Variants in MTUS2 observed in about 807,000 individuals in gnomAD.
The protein encoded by MTUS2 is microtubule-associated tumor suppressor candidate 2.
Under a neutral mutation model 114.1 loss-of-function variants are expected in MTUS2, and 40 were observed. The observed-to-expected ratio is 0.35, with a 90% CI of 0.27 to 0.46. MTUS2 has a LOEUF of 0.46. Among genes scored for constraint, MTUS2 ranks in the 20% least tolerant of loss-of-function variants. MTUS2 has a pLI of 1.00. For synonymous variants in MTUS2, 688 were observed against 672.0 expected (o/e 1.02, Z -0.37); for missense variants, 1,679 against 1,705.4 (o/e 0.98, Z 0.27).
chr13:28,985,919 C>T (rs540233668), intron 2 of MTUS2, among the ~76,000 whole-genome samples: 16 of 152,206 alleles, frequency 1.1e-4, no homozygotes, highest in East Asian at 9.7e-4. Flanking sequence ...GTTTCCAGCC[C>T]GATGGCCCAC....
chr13:29,423,404 C>T (rs1194888894), intron 8 of MTUS2, among the ~76,000 whole-genome samples: 1 of 152,130 alleles, frequency 6.6e-6, no homozygotes, highest in East Asian at 1.9e-4. Context: ...TAGATGACTG[C>T]ACAACTGGAG....
At chr13:28,916,673 G>A (rs185376994) in intron 2 of MTUS2, among the ~76,000 whole-genome samples, 12 of 151,350 alleles carry the variant, frequency 7.9e-5, no homozygotes, top group South Asian at 4.2e-4. Context: ...TTTTTGTGGC[G>A]TCTTTAGGTT....
intron 4 of MTUS2, among the ~76,000 whole-genome samples, chr13:29,063,101 C>T (rs571437631): frequency 6.6e-6 from 1 of 152,112 alleles, no homozygotes; most frequent in Admixed American, 6.5e-5. Flanking sequence ...AACCTAAGAT[C>T]GTGTATTTTA....
chr13:29,236,964 A>G (rs73449368), intron 5 of MTUS2, among the ~76,000 whole-genome samples: 3,777 of 152,278 alleles, frequency 0.025, 152 homozygotes, highest in African/African-American at 0.086. Context: ...AACACAGAGA[A>G]AAGAATCAAC....
chr13:29,083,588 G>A (rs1252679174), intron 4 of MTUS2, among the ~76,000 whole-genome samples: 1 of 152,086 alleles, frequency 6.6e-6, no homozygotes, highest in Non-Finnish European at 1.5e-5. Context: ...AATGTCTGGG[G>A]GCCTTACTGG....
intron 5 of MTUS2, among the ~76,000 whole-genome samples, chr13:29,146,577 C>A (rs1892441764): frequency 6.6e-6 from 1 of 152,316 alleles, no homozygotes; most frequent in South Asian, 2.1e-4. Context: ...AATCCCAAAT[C>A]AGACCTCCTT....
intron 2 of MTUS2, among the ~76,000 whole-genome samples, chr13:29,011,438 G>T (rs539500711): frequency 6.6e-6 from 1 of 152,134 alleles, no homozygotes; most frequent in African/African-American, 2.4e-5. Context: ...CTTAAATTTT[G>T]TTGGGAATAT....
chr13:29,140,577 C>A (rs1231265033), intron 5 of MTUS2, among the ~76,000 whole-genome samples: 1 of 152,180 alleles, frequency 6.6e-6, no homozygotes, highest in Non-Finnish European at 1.5e-5. Context: ...AATTGTTCCT[C>A]ATTCTAAGTG....
In MTUS2 at chr13:29,245,727, C is replaced by T. The variant is rs189421973; in HGVS notation, c.2645-35977C>T. 7.8e-3 allele frequency among the ~76,000 whole-genome samples: 1,072 copies of T among 136,940 alleles called. 11 individuals carry two copies. Among genetic ancestry groups the T allele is most frequent in the Middle Eastern group, 0.028 (5 of 180 alleles). 89.8% of individuals were successfully genotyped at this position (136,940 alleles called of 152,430 possible). ...TTTTTTTTTTTTTGAGACGGAGTCTCGCTCTGTCACCCAGGCTGGAGTGCA... is the reference window on the plus strand; with the variant it reads ...TTTTTTTTTTTTTGAGACGGAGTCTTGCTCTGTCACCCAGGCTGGAGTGCA... On this transcript the variant is annotated intron_variant, in intron 5 of 15. Transcript: ENST00000612955.
In MTUS2 at chr13:29,216,722, G is replaced by A. The variant is rs147006933; in HGVS notation, c.2645-64982G>A. On this transcript the variant is annotated intron_variant, in intron 5 of 15. Coordinates refer to ENST00000612955, the MANE Select transcript of MTUS2 (RefSeq NM_001033602.4). Reference sequence around the variant, plus strand: ...CTAACCAGTCCCAATGTGATGAACCGGGTATTTCAGTTGGAAATGCAGAAA... The same window carrying A: ...CTAACCAGTCCCAATGTGATGAACCAGGTATTTCAGTTGGAAATGCAGAAA... 1.4e-3 allele frequency among the ~76,000 whole-genome samples: 216 copies of A among 152,234 alleles called. 1 individual carries two copies. The highest frequency in any genetic ancestry group is 4.7e-3 in the African/African-American group (196 of 41,550).
At chr13:29,397,032 C>T (rs989767670) in intron 8 of MTUS2, among the ~76,000 whole-genome samples, 4 of 152,152 alleles carry the variant, frequency 2.6e-5, no homozygotes, top group African/African-American at 4.8e-5. Flanking sequence ...TCTAGGAAAA[C>T]CTATAAGGGA....
At chr13:29,159,499 A>G (rs760037603) in intron 5 of MTUS2, among the ~76,000 whole-genome samples, 9 of 152,198 alleles carry the variant, frequency 5.9e-5, no homozygotes, top group Non-Finnish European at 1.2e-4. Context: ...AAAAAAATTA[A>G]TAAATTAGAT....
intron 6 of MTUS2, among the ~76,000 whole-genome samples, chr13:29,298,523 A>G (rs1022834491): frequency 4.6e-5 from 7 of 152,224 alleles, no homozygotes; most frequent in African/African-American, 1.7e-4. Flanking sequence ...TACATGTGCC[A>G]GACAGAGCTG....
At chr13:28,875,877 G>C (rs1877897989) in intron 2 of MTUS2, among the ~76,000 whole-genome samples, 1 of 152,152 alleles carries the variant, frequency 6.6e-6, no homozygotes, top group Non-Finnish European at 1.5e-5. Flanking sequence ...TTTTATTCAT[G>C]ATTTATTTTG....
chr13:29,502,880 TG>T, intron 15 of MTUS2, 112 bp from the exon 16 acceptor site: 2 of 1,040,176 alleles, frequency 1.9e-6, no homozygotes, highest in Non-Finnish European at 2.9e-6. Flanking sequence ...CCCTGGTCCC[TG>T]TTCTCCCTGC....
At chr13:28,991,124 C>A (rs1370074384) in intron 2 of MTUS2, among the ~76,000 whole-genome samples, 2 of 152,180 alleles carry the variant, frequency 1.3e-5, no homozygotes, top group African/African-American at 4.8e-5. Flanking sequence ...CAACATGAGG[C>A]AGGGGACCCA....
chr13:29,173,602 T>G (rs1009301621), intron 5 of MTUS2, among the ~76,000 whole-genome samples: 4 of 152,142 alleles, frequency 2.6e-5, no homozygotes, highest in Non-Finnish European at 5.9e-5. Flanking sequence ...TTTCATTTCT[T>G]TAGGAAAGAA....
chr13:29,410,188 C>T (rs578113261), intron 8 of MTUS2, among the ~76,000 whole-genome samples: 7 of 151,664 alleles, frequency 4.6e-5, no homozygotes, highest in Admixed American at 1.3e-4. Flanking sequence ...GCAATGGCAC[C>T]GTCTCAGCTC....
intron 5 of MTUS2, among the ~76,000 whole-genome samples, chr13:29,153,147 C>T (rs537355567): frequency 6.6e-6 from 1 of 152,234 alleles, no homozygotes; most frequent in South Asian, 2.1e-4. Flanking sequence ...GTCTGCAAGC[C>T]TCCTGATTTT....
Sources: gnomAD v4.1 joint callset for allele counts (sites outside exome capture counted in the v4.1 genomes callset) on GRCh38, gnomAD v4.1.1 for gene constraint, MANE v1.5 for transcripts, NCBI Gene and HGNC (gene_info 2026-07-23, HGNC 2026-07-21) for gene names.